Variants in KAT2B observed in about 807,000 individuals in gnomAD.
KAT2B encodes the protein histone acetyltransferase KAT2B.
KAT2B carries 36 observed loss-of-function variants against 105.9 expected under a neutral mutation model. The ratio of observed to expected loss-of-function variants is 0.34; its 90% confidence interval spans 0.26 to 0.45. The LOEUF (loss-of-function observed/expected upper bound fraction) is 0.45. Among genes scored for constraint, KAT2B ranks in the 20% least tolerant of loss-of-function variants. KAT2B has a pLI of 1.00. For missense variants in KAT2B, 820 were observed against 1,021.6 expected (o/e 0.80, Z 2.69); for synonymous variants, 397 against 377.9 (o/e 1.05, Z -0.59).
chr3:20,060,759 T>C (rs997235578), intron 1 of KAT2B, among the ~76,000 whole-genome samples: 2 of 151,984 alleles, frequency 1.3e-5, no homozygotes, highest in African/African-American at 4.8e-5. Flanking sequence ...ACCCTGTCTC[T>C]ACCAAAAAAT....
chr3:20,062,021 A>G (rs1353055832), intron 1 of KAT2B, among the ~76,000 whole-genome samples: 51 of 103,110 alleles, frequency 4.9e-4, no homozygotes, highest in Non-Finnish European at 6.9e-4. Context: ...TATTATATAT[A>G]AAACATAATA....
intron 9 of KAT2B, among the ~76,000 whole-genome samples, chr3:20,123,477 G>T (rs1699348116): frequency 6.6e-6 from 1 of 152,078 alleles, no homozygotes; most frequent in Non-Finnish European, 1.5e-5. Flanking sequence ...AGCTGTCTTT[G>T]CATTACAACA....
chr3:20,136,482 G>A (rs1699601360), intron 11 of KAT2B, among the ~76,000 whole-genome samples: 1 of 151,982 alleles, frequency 6.6e-6, no homozygotes, highest in Non-Finnish European at 1.5e-5. Flanking sequence ...GTGGTGTACA[G>A]TAAACACTTG....
intron 5 of KAT2B, among the ~76,000 whole-genome samples, chr3:20,109,289 G>A (rs1361189191): frequency 1.4e-5 from 2 of 138,670 alleles, no homozygotes; most frequent in Non-Finnish European, 3.0e-5. Flanking sequence ...GCCCCAGATA[G>A]ATAGATAGAT....
intron 1 of KAT2B, among the ~76,000 whole-genome samples, chr3:20,043,340 C>T (rs1697752222): frequency 6.6e-6 from 1 of 152,120 alleles, no homozygotes; most frequent in Admixed American, 6.5e-5. Context: ...TGTGTGTGTG[C>T]ACAAGTGCAT....
At chr3:20,055,321 G>A (rs1697987170) in intron 1 of KAT2B, among the ~76,000 whole-genome samples, 1 of 152,196 alleles carries the variant, frequency 6.6e-6, no homozygotes, top group South Asian at 2.1e-4. Context: ...TGATTTAGAT[G>A]CTGGTGATAC....
At chr3:20,137,541 CTT>C (rs200097819) in intron 12 of KAT2B, 11 of 148,842 alleles carry the variant, frequency 7.4e-5, no homozygotes, top group Admixed American at 1.4e-4. Flanking sequence ...TCCTCCCTTC[CTT>C]TTTTTTTTTT....
At chr3:20,042,780 A>T (rs1462743243) in intron 1 of KAT2B, among the ~76,000 whole-genome samples, 2 of 152,206 alleles carry the variant, frequency 1.3e-5, no homozygotes, top group African/African-American at 4.8e-5. Flanking sequence ...TGTGGCCTGC[A>T]TTGATATTTT....
intron 2 of KAT2B, among the ~76,000 whole-genome samples, chr3:20,079,280 C>G (rs1698477953): frequency 6.8e-6 from 1 of 146,362 alleles, no homozygotes; most frequent in Admixed American, 7.0e-5. Flanking sequence ...TCTCGGCTCA[C>G]TGCAACTTCT....
chr3:20,040,768 C>G lies in KAT2B; in HGVS notation c.291C>G (p.Tyr97Ter). The change falls in exon 1 of 18, where the codon TAC becomes TAG. Residue 97 changes from tyrosine to a stop codon, truncating the protein, a stop_gained. Transcript: ENST00000263754. LOFTEE classifies it high-confidence loss of function. ...RAKKLEKLGVYSACKAEESCK... is the reference protein window; with the variant it reads ...RAKKLEKLGV Reference sequence around the variant, plus strand: ...AGAAACTGGAGAAACTCGGAGTGTACTCCGCCTGCAAGGTACGCGCTCGCC... The same window carrying G: ...AGAAACTGGAGAAACTCGGAGTGTAGTCCGCCTGCAAGGTACGCGCTCGCC... The G allele has an allele frequency of 1.9e-6, 3 of 1,591,896 alleles. No individual in the cohort carries two copies. The highest frequency in any genetic ancestry group is 2.6e-6 in the Non-Finnish European group (3 of 1,172,312).
At chr3:20,105,701 G>A (rs966166334) in intron 5 of KAT2B, among the ~76,000 whole-genome samples, 2 of 151,760 alleles carry the variant, frequency 1.3e-5, no homozygotes, top group African/African-American at 2.4e-5. Context: ...GGAGGTTGAG[G>A]TGGGAGGATT....
intron 1 of KAT2B, among the ~76,000 whole-genome samples, chr3:20,051,767 T>G (rs752731931): frequency 3.3e-5 from 5 of 152,256 alleles, no homozygotes; most frequent in Non-Finnish European, 7.3e-5. Flanking sequence ...GAATATATGA[T>G]GAGCTCGTTA....
chr3:20,103,462 C>T (rs568006892), intron 5 of KAT2B, among the ~76,000 whole-genome samples: 10 of 152,094 alleles, frequency 6.6e-5, no homozygotes, highest in South Asian at 2.1e-4. Context: ...TGGGCTGGAG[C>T]GCAGTGGCAT....
intron 11 of KAT2B, among the ~76,000 whole-genome samples, chr3:20,130,550 T>C (rs1699491080): frequency 6.6e-6 from 1 of 152,198 alleles, no homozygotes; most frequent in Admixed American, 6.5e-5. Context: ...CAAAGATAGC[T>C]ATACCAAACA....
At chr3:20,099,799 G>T in intron 3 of KAT2B, 63 bp from the exon 4 acceptor site, 1 of 774,960 alleles carries the variant, frequency 1.3e-6, no homozygotes, top group Non-Finnish European at 2.2e-6. Context: ...GAAGAGAGAG[G>T]AGAGAGAGAT....
chr3:20,065,676 C>T (rs567548221), intron 1 of KAT2B, among the ~76,000 whole-genome samples: 1 of 152,260 alleles, frequency 6.6e-6, no homozygotes, highest in East Asian at 1.9e-4. Flanking sequence ...ATGGAGCATG[C>T]ACACATGCAA....
chr3:20,126,484 A>G (rs1699405879), intron 10 of KAT2B, among the ~76,000 whole-genome samples: 1 of 151,848 alleles, frequency 6.6e-6, no homozygotes, highest in Admixed American at 6.6e-5. Context: ...AATTATTGGG[A>G]TATAAGACAG....
In KAT2B at chr3:20,044,075, A is replaced by AAAAAAAG. The variant is rs1163205310; in HGVS notation, c.303+3307_303+3313dup. Among the ~76,000 whole-genome samples, 6 of 152,114 alleles carry AAAAAAAG rather than the reference A, an allele frequency of 3.9e-5. No individual in the cohort carries two copies. In the East Asian group the frequency reaches 1.2e-3, roughly 29 times the overall value. On this transcript the variant is annotated intron_variant, in intron 1 of 17. Coordinates refer to ENST00000263754, the MANE Select transcript of KAT2B (RefSeq NM_003884.5). The stretch of plus-strand genomic sequence containing the variant: ...ACCCCAGAGAATAGAAAAAGAAAAA[A>AAAAAAAG]AAAAAAGAAAAAAGAAAAGAAACAA...
chr3:20,119,503 G>A (rs1032419170), intron 7 of KAT2B, 95 bp from the exon 8 acceptor site: 1 of 1,280,686 alleles, frequency 7.8e-7, no homozygotes, highest in African/African-American at 1.5e-5. Context: ...TTGTGGCATT[G>A]GGCAGGAGTG....
Sources: allele counts gnomAD v4.1 joint callset (sites outside exome capture counted in the v4.1 genomes callset), GRCh38; gene constraint gnomAD v4.1.1; transcripts MANE v1.5; gene names NCBI Gene and HGNC (gene_info 2026-07-23, HGNC 2026-07-21).